The following DIS3L2 variants were observed in gnomAD, a reference collection of about 807,000 sequenced individuals.
DIS3L2 encodes the protein DIS3-like exonuclease 2.
Under a neutral mutation model 97.5 loss-of-function variants are expected in DIS3L2, and 34 were observed. The observed-to-expected ratio is 0.35, with a 90% CI of 0.27 to 0.46. DIS3L2 has a LOEUF of 0.46. Among genes scored for constraint, DIS3L2 ranks in the 20% least tolerant of loss-of-function variants. The probability of loss-of-function intolerance (pLI) is 1.00; values close to 1 mark genes in which losing one functional copy is unlikely to be tolerated. For missense variants in DIS3L2, 1,038 were observed against 1,146.0 expected (o/e 0.91, Z 1.36); for synonymous variants, 435 against 445.2 (o/e 0.98, Z 0.29).
chr2:232,158,059 A>G (rs75757067), intron 8 of DIS3L2, among the ~76,000 whole-genome samples: 6,581 of 152,210 alleles, frequency 0.043, 408 homozygotes, highest in African/African-American at 0.14. Context: ...GTCCCTATCC[A>G]TCTGGTTAAA....
At chr2:232,287,709 G>A (rs1694484361) in intron 13 of DIS3L2, among the ~76,000 whole-genome samples, 1 of 152,026 alleles carries the variant, frequency 6.6e-6, no homozygotes, top group Non-Finnish European at 1.5e-5. Flanking sequence ...CCTTCTTAAT[G>A]GATCCTGGCC....
chr2:232,080,317 C>T (rs1559605315), intron 5 of DIS3L2, among the ~76,000 whole-genome samples: 1 of 152,046 alleles, frequency 6.6e-6, no homozygotes, highest in Non-Finnish European at 1.5e-5. Flanking sequence ...TTTGAGATGT[C>T]ATCTGGGCAA....
downstream of DIS3L2, chr2:232,340,890 A>G (rs56083600): frequency 0.11 from 50,877 of 471,160 alleles, 4,351 homozygotes; most frequent in African/African-American, 0.3. Context: ...GGAAAACTTC[A>G]TGAAACAAAA....
At chr2:232,224,499 T>G (rs1030611757) in intron 10 of DIS3L2, among the ~76,000 whole-genome samples, 61 of 152,246 alleles carry the variant, frequency 4.0e-4, no homozygotes, top group African/African-American at 1.3e-3. Flanking sequence ...GACTGATAAA[T>G]TAGATTTTAT....
chr2:231,989,396 C>T (rs1217903309), intron 1 of DIS3L2, among the ~76,000 whole-genome samples: 2 of 148,836 alleles, frequency 1.3e-5, no homozygotes, highest in African/African-American at 2.5e-5. Context: ...TGTATAGAGG[C>T]GTAGATGAAA....
intron 14 of DIS3L2, among the ~76,000 whole-genome samples, chr2:232,305,721 G>A (rs35707631): frequency 0.14 from 20,647 of 152,038 alleles, 1,876 homozygotes; most frequent in Middle Eastern, 0.25. Context: ...TTGGGAGGCC[G>A]AGGCAGAAGG....
intron 1 of DIS3L2, among the ~76,000 whole-genome samples, chr2:231,964,633 T>C (rs1692661601): frequency 6.6e-6 from 1 of 152,212 alleles, no homozygotes; most frequent in South Asian, 2.1e-4. Context: ...TTTTTGGAAA[T>C]GACATTATTT....
At chr2:232,082,028 G>C (rs1482427654) in intron 5 of DIS3L2, among the ~76,000 whole-genome samples, 2 of 152,158 alleles carry the variant, frequency 1.3e-5, no homozygotes, top group African/African-American at 4.8e-5. Flanking sequence ...GACCTCAGAT[G>C]ATCCGCCCAC....
chr2:232,241,332 G>A (rs1170255567), intron 11 of DIS3L2, among the ~76,000 whole-genome samples: 1 of 152,242 alleles, frequency 6.6e-6, no homozygotes, highest in Non-Finnish European at 1.5e-5. Context: ...CACAGGGGAA[G>A]GGGGGCTGGG....
At chr2:232,168,252 A>G (rs181868875) in intron 9 of DIS3L2, among the ~76,000 whole-genome samples, 95 of 152,134 alleles carry the variant, frequency 6.2e-4, no homozygotes, top group Non-Finnish European at 8.8e-4. Context: ...TTTTTTTCTT[A>G]TTGTTAAAAT....
chr2:231,998,003 C>T (rs998779560), intron 1 of DIS3L2, among the ~76,000 whole-genome samples: 2 of 152,092 alleles, frequency 1.3e-5, no homozygotes, highest in Non-Finnish European at 2.9e-5. Context: ...CTTTAGTCTC[C>T]TTTAATTTGG....
intron 12 of DIS3L2, among the ~76,000 whole-genome samples, chr2:232,251,433 A>T (rs778178064): frequency 6.6e-6 from 1 of 152,220 alleles, no homozygotes; most frequent in Non-Finnish European, 1.5e-5. Flanking sequence ...GAGCTGTCCC[A>T]AGAAGAGACA....
chr2:232,222,873 A>G (rs1471297086), intron 10 of DIS3L2, among the ~76,000 whole-genome samples: 1 of 152,266 alleles, frequency 6.6e-6, no homozygotes, highest in Non-Finnish European at 1.5e-5. Flanking sequence ...GGGCTCTGGC[A>G]TGGAAGTGGG....
At chr2:232,039,203 T>A (rs1695040094) in intron 5 of DIS3L2, among the ~76,000 whole-genome samples, 1 of 152,228 alleles carries the variant, frequency 6.6e-6, no homozygotes, top group Non-Finnish European at 1.5e-5. Context: ...TCTGTTGTCC[T>A]TAGCCCACCT....
At chr2:232,107,782 CAT>C (rs1559636473) in intron 6 of DIS3L2, among the ~76,000 whole-genome samples, 1 of 152,152 alleles carries the variant, frequency 6.6e-6, no homozygotes, top group African/African-American at 2.4e-5. Flanking sequence ...CCTCTATACA[CAT>C]AAGCTAGAAA....
chr2:232,104,037 G>A (rs767507467), intron 6 of DIS3L2, among the ~76,000 whole-genome samples: 9 of 151,594 alleles, frequency 5.9e-5, no homozygotes, highest in Non-Finnish European at 1.2e-4. Flanking sequence ...GACTTAATCT[G>A]TTTAATTTTT....
chr2:232,025,633 GGTGGT>G (rs1694635362), intron 4 of DIS3L2, among the ~76,000 whole-genome samples: 1 of 152,164 alleles, frequency 6.6e-6, no homozygotes, highest in Non-Finnish European at 1.5e-5. Flanking sequence ...TCAGTTTTGA[GGTGGT>G]AACTTGGCTG....
intron 13 of DIS3L2, among the ~76,000 whole-genome samples, chr2:232,298,515 G>C (rs1396108708): frequency 1.3e-5 from 2 of 152,190 alleles, no homozygotes; most frequent in Non-Finnish European, 2.9e-5. Context: ...CCTTTGACTT[G>C]AAGTTCTGGC....
rs113111827 is a variant in DIS3L2 at position 232,033,828 on chromosome 2, G to A, written c.366+3748G>A. ...TCCCAGGGATGAAGCCAACTTGATCGTGGTGGATAAGCTTTTTGATGTGCT... is the reference window on the plus strand; with the variant it reads ...TCCCAGGGATGAAGCCAACTTGATCATGGTGGATAAGCTTTTTGATGTGCT... On this transcript the variant is annotated intron_variant, in intron 5 of 20. Transcript: ENST00000325385. Among the ~76,000 whole-genome samples, 11 of 152,220 alleles carry A rather than the reference G, an allele frequency of 7.2e-5. No individual in the cohort carries two copies. The South Asian group carries it at 1.7e-3, about 23-fold the overall frequency.
Sources: gnomAD v4.1 joint callset for allele counts (sites outside exome capture counted in the v4.1 genomes callset) on GRCh38, gnomAD v4.1.1 for gene constraint, MANE v1.5 for transcripts, NCBI Gene and HGNC (gene_info 2026-07-23, HGNC 2026-07-21) for gene names.